The following DHRSX variants were observed in gnomAD, a reference collection of about 807,000 sequenced individuals.
DHRSX encodes the protein polyprenol dehydrogenase.
Under a neutral mutation model 34.0 loss-of-function variants are expected in DHRSX, and 31 were observed. The observed-to-expected ratio is 0.91, with a 90% CI of 0.69 to 1.23. DHRSX has a LOEUF of 1.23. Ranked by LOEUF, DHRSX falls within the 50% of genes most tolerant of loss-of-function variation. The pLI is 0.00. For missense variants in DHRSX, 414 were observed against 428.1 expected (o/e 0.97, Z 0.29); for synonymous variants, 201 against 183.8 (o/e 1.09, Z -0.76).
chrX:2,470,950 T>TA, intron 1 of DHRSX, among the ~76,000 whole-genome samples: 1 of 152,372 alleles, frequency 6.6e-6, no homozygotes, highest in Admixed American at 6.5e-5. Context: ...TCAATGTTAA[T>TA]ATGTTAATTA....
intron 1 of DHRSX, among the ~76,000 whole-genome samples, chrX:2,497,530 G>A (rs1247542519): frequency 6.6e-6 from 1 of 152,138 alleles, no homozygotes; most frequent in Non-Finnish European, 1.5e-5. Context: ...TTGAAAAGTA[G>A]GACTTCTATA....
chrX:2,432,367 T>G (rs536820420), intron 1 of DHRSX, among the ~76,000 whole-genome samples: 1 of 152,148 alleles, frequency 6.6e-6, no homozygotes. Context: ...ACGAATCGAT[T>G]CGAAAATTGC....
chrX:2,235,835 C>T (rs1465317988), intron 6 of DHRSX, among the ~76,000 whole-genome samples: 1 of 141,016 alleles, frequency 7.1e-6, no homozygotes, highest in Non-Finnish European at 1.5e-5. Flanking sequence ...TAAGCCAGGA[C>T]GGGTGCGGTG....
chrX:2,231,712 CTTT>C (rs369016684), intron 6 of DHRSX, among the ~76,000 whole-genome samples: 4,002 of 149,186 alleles, frequency 0.027, 208 homozygotes, highest in African/African-American at 0.095. Context: ...CTCTATTCCT[CTTT>C]TTTTCTCCTC....
At chrX:2,282,960 G>C (rs945218432) in intron 4 of DHRSX, among the ~76,000 whole-genome samples, 6 of 151,492 alleles carry the variant, frequency 4.0e-5, no homozygotes, top group Non-Finnish European at 2.9e-5. Context: ...GAGAGAGACA[G>C]AGAGAAAAAG....
intron 1 of DHRSX, chrX:2,488,794 G>A (rs767732204): frequency 8.1e-6 from 13 of 1,613,764 alleles, no homozygotes; most frequent in African/African-American, 2.7e-5. Context: ...ACACCTGCTC[G>A]TCCACGTGCG....
intron 4 of DHRSX, among the ~76,000 whole-genome samples, chrX:2,285,528 G>C (rs2041794103): frequency 6.6e-6 from 1 of 152,092 alleles, no homozygotes; most frequent in African/African-American, 2.4e-5. Context: ...GAACAATGGG[G>C]AGTGGCTGTA....
chrX:2,380,440 G>A (rs1424496124), intron 3 of DHRSX, among the ~76,000 whole-genome samples: 4 of 152,132 alleles, frequency 2.6e-5, no homozygotes, highest in Admixed American at 6.6e-5. Flanking sequence ...AGGAATACAG[G>A]GAAAGATGGT....
At chrX:2,283,613 C>A (rs1288529424) in intron 4 of DHRSX, among the ~76,000 whole-genome samples, 3 of 152,098 alleles carry the variant, frequency 2.0e-5, no homozygotes, top group African/African-American at 7.2e-5. Flanking sequence ...AGGACCGGCT[C>A]CACTGCACCT....
At chrX:2,237,908 G>A (rs886131593) in intron 6 of DHRSX, among the ~76,000 whole-genome samples, 1 of 152,018 alleles carries the variant, frequency 6.6e-6, no homozygotes, top group African/African-American at 2.4e-5. Context: ...CATTGTAGGG[G>A]GTACTGAGTT....
chrX:2,264,121 A>G (rs1333627537), intron 5 of DHRSX, among the ~76,000 whole-genome samples: 1 of 152,232 alleles, frequency 6.6e-6, no homozygotes. Flanking sequence ...TTGCCCAAGG[A>G]CAGCAAATGG....
intron 1 of DHRSX, among the ~76,000 whole-genome samples, chrX:2,497,990 C>G (rs2045323718): frequency 6.6e-6 from 1 of 152,200 alleles, no homozygotes; most frequent in African/African-American, 2.4e-5. Context: ...AACACAGAGA[C>G]AGACCCTCTT....
intron 3 of DHRSX, among the ~76,000 whole-genome samples, chrX:2,373,932 G>T (rs1319570723): frequency 1.3e-5 from 2 of 151,922 alleles, no homozygotes; most frequent in Non-Finnish European, 2.9e-5. Flanking sequence ...CAGGAAGGAA[G>T]AAAAAAGGTC....
At chrX:2,444,011 A>G (rs969518973) in intron 1 of DHRSX, among the ~76,000 whole-genome samples, 6 of 65,914 alleles carry the variant, frequency 9.1e-5, no homozygotes, top group Non-Finnish European at 1.7e-4. Context: ...TCTCAAAAAG[A>G]AAAAAAAAAA....
intron 3 of DHRSX, among the ~76,000 whole-genome samples, chrX:2,300,315 T>G (rs1332917481): frequency 6.6e-5 from 10 of 152,104 alleles, no homozygotes. Flanking sequence ...CTGTAGGAGC[T>G]CAAAAGGGTG....
At chrX:2,499,837 G>C (rs1169328494) in intron 1 of DHRSX, among the ~76,000 whole-genome samples, 1 of 152,150 alleles carries the variant, frequency 6.6e-6, no homozygotes, top group Non-Finnish European at 1.5e-5. Context: ...TTGAGCCCAG[G>C]AGTTCGAGAC....
intron 3 of DHRSX, among the ~76,000 whole-genome samples, chrX:2,292,651 A>C (rs905832044): frequency 2.6e-5 from 4 of 152,194 alleles, no homozygotes; most frequent in Non-Finnish European, 4.4e-5. Flanking sequence ...AGTAAGAAGT[A>C]CGAGCCCTTC....
At chrX:2,285,070 C>T (rs1473815334) in intron 4 of DHRSX, among the ~76,000 whole-genome samples, 1 of 152,076 alleles carries the variant, frequency 6.6e-6, no homozygotes, top group Non-Finnish European at 1.5e-5. Context: ...CAGTCTCCAA[C>T]CTTTTTGGCA....
chrX:2,380,588 G>A (rs145213322), intron 3 of DHRSX, among the ~76,000 whole-genome samples: 10,000 of 152,058 alleles, frequency 0.066, 769 homozygotes, highest in African/African-American at 0.19. Flanking sequence ...AATTCCCAGC[G>A]TTGAGGGAGG....
Sources: allele counts gnomAD v4.1 joint callset (sites outside exome capture counted in the v4.1 genomes callset), GRCh38; gene constraint gnomAD v4.1.1; transcripts MANE v1.5; gene names NCBI Gene and HGNC (gene_info 2026-07-23, HGNC 2026-07-21).